The following TCIRG1 variants were observed in gnomAD, a reference collection of about 807,000 sequenced individuals.
The protein encoded by TCIRG1 is V-type proton ATPase 116 kDa subunit a 3.
Under a neutral mutation model 95.5 loss-of-function variants are expected in TCIRG1, and 86 were observed. The ratio of observed to expected loss-of-function variants is 0.90; its 90% CI spans 0.76 to 1.08. TCIRG1 has a LOEUF of 1.08. Among genes scored for constraint, TCIRG1 ranks in the 50% least tolerant of loss-of-function variants. TCIRG1 has a pLI of 0.00. For synonymous variants in TCIRG1, 499 were observed against 501.3 expected, an observed-to-expected ratio of 1.00 and a Z score of 0.06; for missense variants, 1,069 against 1,140.2, an observed-to-expected ratio of 0.94 and a Z score of 0.90.
intron 15 of TCIRG1, 142 bp downstream of exon 15, chr11:68,049,436 T>C: frequency 9.8e-7 from 1 of 1,023,378 alleles, no homozygotes; most frequent in Non-Finnish European, 1.4e-6. Flanking sequence ...TCAGAGGTGA[T>C]GGTGTGCATC....
Position 68,042,643 on chromosome 11 carries a change from C to T in TCIRG1, c.197C>T (p.Thr66Ile), listed in dbSNP as rs886048593. 2 of 1,547,248 alleles carry T rather than the reference C, an allele frequency of 1.3e-6. No homozygotes were observed. Among genetic ancestry groups the T allele is most frequent in the East Asian group, 2.4e-5 (1 of 40,918 alleles). ...CCCACTCCCGTTCCTCTGCGCCCAG[C>T]CTTCCTGCAGGAGGAGGTGCGGCGG... The part of the protein sequence containing the change: ...RRCEELEKTF[T>I]FLQEEVRRAG... The change falls in exon 4 of 20, where the codon ACC (threonine) becomes ATC (isoleucine). Residue 66 changes from threonine (T) to isoleucine (I), a missense_variant and splice_region_variant. Thr to Ile is a moderately conservative substitution (Grantham distance 89). Transcript: ENST00000265686.
At position 68,047,712 on chromosome 11, in the gene TCIRG1, C is replaced by T. The variant is rs376526455; in HGVS notation, c.1371C>T (p.Thr457=). ...TTATGGGCCTGTTCTCCATCTACACCGGCTTCATCTACAACGAGTGCTTCA... is the reference window on the plus strand; with the variant it reads ...TTATGGGCCTGTTCTCCATCTACACTGGCTTCATCTACAACGAGTGCTTCA... ...LLLMGLFSIY[T]GFIYNECFSR... is the part of the protein sequence containing the mutation. The change falls in exon 12 of 20, where the codon ACC becomes ACT. Residue 457 remains threonine (T), a synonymous_variant. Coordinates refer to ENST00000265686, the MANE Select transcript of TCIRG1 (RefSeq NM_006019.4). 1.9e-5 allele frequency: 31 copies of T among 1,613,364 alleles called. No individual in the cohort carries two copies. Among genetic ancestry groups the T allele is most frequent in the Middle Eastern group, 1.6e-4 (1 of 6,084 alleles).
At position 68,042,881 on chromosome 11, in the gene TCIRG1, C is replaced by T. The variant is rs1252352757; in HGVS notation, c.417+18C>T. The T allele has an allele frequency of 1.3e-6, 2 of 1,550,106 alleles. No homozygotes were observed. The highest frequency in any genetic ancestry group is 2.4e-5 in the South Asian group (2 of 84,076). On this transcript the variant is annotated intron_variant, in intron 4 of 19. Transcript: ENST00000265686. ...AACCTCAGGTCAGCTCCCACCCAGG[C>T]AGGAGACTGGGGGGCTGGGGAGGGG... is the stretch of plus-strand genomic sequence containing the variant.
At position 68,042,567 on chromosome 11, in the gene TCIRG1, G is replaced by GTTTGGGGCA. The variant is rs1190109941; in HGVS notation, c.197-75_197-67dup. The GTTTGGGGCA allele has an allele frequency of 9.6e-6, 12 of 1,248,624 alleles. No individual in the cohort carries two copies. In the African/African-American group the frequency reaches 1.5e-4, roughly 16 times the overall value. 77.3% of individuals were successfully genotyped at this position (1,248,624 alleles called of 1,614,324 possible). On this transcript the variant is annotated intron_variant, in intron 3 of 19. Transcript: ENST00000265686. ...AATCCAGCAGCTGGTGGCCGATGGA[G>GTTTGGGGCA]TTTGGGGCAGCAGGTGGGGCCCTCA...
Position 68,041,335 on chromosome 11 carries a change from G to A in TCIRG1, c.64G>A (p.Ala22Thr). Reference protein sequence around the residue: ...LVQLFLPTAAAYTCVSRLGEL... With the variant: ...LVQLFLPTAATYTCVSRLGEL... The stretch of plus-strand genomic sequence containing the variant: ...CCAGCTCTTTCTGCCCACAGCGGCT[G>A]CCTACACCTGCGTGAGTCGGCTGGG... The change falls in exon 2 of 20, where the codon GCC becomes ACC. Residue 22 changes from alanine to threonine, a missense_variant. Ala to Thr is a moderately conservative substitution (Grantham distance 58). Coordinates refer to ENST00000265686, the MANE Select transcript of TCIRG1 (RefSeq NM_006019.4). The A allele has an allele frequency of 6.2e-7, 1 of 1,613,252 alleles. No individual in the cohort carries two copies. The highest frequency in any genetic ancestry group is 8.5e-7 in the Non-Finnish European group (1 of 1,179,958).
Position 68,042,707 on chromosome 11 carries a change from G to C in TCIRG1, c.261G>C (p.Pro87=), listed in dbSNP as rs887998539. 9.7e-6 allele frequency: 15 copies of C among 1,545,882 alleles called. No individual in the cohort carries two copies. The highest frequency in any genetic ancestry group is 1.7e-6 in the Non-Finnish European group (2 of 1,145,732). The change falls in exon 4 of 20, where the codon CCG becomes CCC. Residue 87 remains proline, a synonymous_variant. Coordinates refer to ENST00000265686, the MANE Select transcript of TCIRG1 (RefSeq NM_006019.4). The part of the protein sequence containing the change: ...LVLPPPKGRL[P]APPPRDLLRI... ...TGCCCCCGCCAAAGGGGAGGCTGCC[G>C]GCACCCCCACCCCGGGACCTGCTGC...
intron 10 of TCIRG1, chr11:68,047,006 C>CTTT (rs5792432): frequency 0.18 from 55,355 of 314,646 alleles, 5,656 homozygotes; most frequent in African/African-American, 0.36. Context: ...GTGGTGGGTT[C>CTTT]TTTTTTTTTT....
At chr11:68,048,456 G>A (rs1855619944) in intron 13 of TCIRG1, 1 of 342,548 alleles carries the variant, frequency 2.9e-6, no homozygotes. Context: ...ACCATGCCTG[G>A]CTAATTTCTG....
At chr11:68,042,219 G>C (rs1213925255) in intron 3 of TCIRG1, among the ~76,000 whole-genome samples, 1 of 152,188 alleles carries the variant, frequency 6.6e-6, no homozygotes, top group Non-Finnish European at 1.5e-5. Context: ...CTAAGGAGCA[G>C]GCAAAAGGGA....
At chr11:68,039,997 T>C (rs190293447) in intron 1 of TCIRG1, 2 of 152,476 alleles carry the variant, frequency 1.3e-5, no homozygotes, top group African/African-American at 4.8e-5. Flanking sequence ...TCACCCTTTG[T>C]GCTGGGCACA....
Position 68,049,751 on chromosome 11 carries a change from A to G in TCIRG1, c.1976A>G (p.His659Arg), listed in dbSNP as rs1855698789. Reference sequence around the variant, plus strand: ...ACACCCCTGCACCTGCTGCACCGCCACCGCCGCCGCCTGCGGAGGAGGCCC... The same window carrying G: ...ACACCCCTGCACCTGCTGCACCGCCGCCGCCGCCGCCTGCGGAGGAGGCCC... ...LGTPLHLLHR[H>R]RRRLRRRPAD... Residue 659 changes from histidine to arginine, a missense_variant, in exon 16 of 20, where the codon CAC becomes CGC. By Grantham distance (29) the His-to-Arg change is conservative. Coordinates refer to ENST00000265686, the MANE Select transcript of TCIRG1 (RefSeq NM_006019.4). The G allele has an allele frequency of 1.3e-6, 2 of 1,577,822 alleles. No homozygotes were observed. The highest frequency in any genetic ancestry group is 1.3e-5 in the African/African-American group (1 of 74,662).
At chr11:68,043,689 T>C in intron 7 of TCIRG1, 36 bp downstream of exon 7, 1 of 1,569,742 alleles carries the variant, frequency 6.4e-7, no homozygotes, top group Non-Finnish European at 8.7e-7. Flanking sequence ...ACCGCCCTGC[T>C]CCCCAGGCCC....
Position 68,049,680 on chromosome 11 carries a change from G to A in TCIRG1, c.1905G>A (p.Thr635=), listed in dbSNP as rs764337411. Residue 635 remains threonine, a synonymous_variant, in exon 16 of 20, where the codon ACG becomes ACA. Transcript: ENST00000265686. The part of the protein sequence containing the change: ...LYPRQEVVQA[T]LVVLALAMVP... ...CCTGGCAGGAGGTGGTCCAGGCCAC[G>A]CTGGTGGTCCTGGCCTTGGCCATGG... 26 of 1,600,858 alleles carry A rather than the reference G, an allele frequency of 1.6e-5. No individual in the cohort carries two copies. In the Admixed American group the frequency reaches 2.7e-4, roughly 16 times the overall value.
intron 13 of TCIRG1, among the ~76,000 whole-genome samples, chr11:68,048,529 T>G (rs1350597217): frequency 6.6e-6 from 1 of 152,154 alleles, no homozygotes; most frequent in Non-Finnish European, 1.5e-5. Flanking sequence ...CCTGACCTCA[T>G]GTGATCCACC....
chr11:68,049,861 C>T lies in TCIRG1; in HGVS notation c.2013+73C>T, dbSNP rs1382210739. On this transcript the variant is annotated intron_variant, in intron 16 of 19. Coordinates refer to ENST00000265686, the MANE Select transcript of TCIRG1 (RefSeq NM_006019.4). ...ACTGTCCGGTGTGTCCCTGACTCCT[C>T]GCTTCCTGACAGACTCCTGAGTGGC... The T allele has an allele frequency of 7.7e-6, 12 of 1,553,796 alleles. No homozygotes were observed. The South Asian group carries it at 8.2e-5, about 11-fold the overall frequency.
chr11:68,050,820 G>A lies in TCIRG1; in HGVS notation c.*1G>A, dbSNP rs961827668. ...CACCTTCGCTGCCACAGATGACTAG[G>A]GCCCACTGCAGGTCCTGCCAGACCT... On this transcript the variant is annotated 3_prime_UTR_variant, in exon 20 of 20. Transcript: ENST00000265686. 6.2e-7 allele frequency: 1 copy of A among 1,612,974 alleles called. No individual in the cohort carries two copies. The highest frequency in any genetic ancestry group is 1.3e-5 in the African/African-American group (1 of 74,912).
chr11:68,041,256 G>T lies in TCIRG1; in HGVS notation c.-4-12G>T, dbSNP rs1298714157. The T allele has an allele frequency of 1.1e-5, 17 of 1,592,604 alleles. No individual in the cohort carries two copies. Among genetic ancestry groups the T allele is most frequent in the African/African-American group, 1.3e-5 (1 of 74,526 alleles). On this transcript the variant is annotated splice_polypyrimidine_tract_variant and intron_variant, in intron 1 of 19. Transcript: ENST00000265686. ...CTGCCCCTGACTGGCCCCCATCCGTGTCCACCCACAGGACCATGGGCTCCA... is the reference window on the plus strand; with the variant it reads ...CTGCCCCTGACTGGCCCCCATCCGTTTCCACCCACAGGACCATGGGCTCCA...
chr11:68,050,010 G>A lies in TCIRG1; in HGVS notation c.2062G>A (p.Gly688Ser). The part of the protein sequence containing the change: ...LLDLPDASVN[G>S]WSSDEEKAGG... ...GGACCTGCCTGACGCATCTGTGAATGGCTGGAGCTCCGATGAGGAAAAGGC... is the reference window on the plus strand; with the variant it reads ...GGACCTGCCTGACGCATCTGTGAATAGCTGGAGCTCCGATGAGGAAAAGGC... Residue 688 changes from glycine (G) to serine (S), a missense_variant, in exon 17 of 20, where the codon GGC (glycine) becomes AGC (serine). By Grantham distance (56) the Gly-to-Ser change is moderately conservative. Transcript: ENST00000265686. 1 of 1,613,260 alleles carries A rather than the reference G, an allele frequency of 6.2e-7. No individual in the cohort carries two copies. The highest frequency in any genetic ancestry group is 1.3e-5 in the African/African-American group (1 of 75,040).
rs138049763 is a variant in TCIRG1 at position 68,047,954 on chromosome 11, C to T, written c.1536C>T (p.Tyr512=). The change falls in exon 13 of 20, where the codon TAC becomes TAT. Residue 512 remains tyrosine, a synonymous_variant. Coordinates refer to ENST00000265686, the MANE Select transcript of TCIRG1 (RefSeq NM_006019.4). ...TCACCGGTGTCTTCCTGGGACCCTA[C>T]CCCTTTGGCATCGATCCTGTGAGTC... The part of the protein sequence containing the change: ...PNVTGVFLGP[Y]PFGIDPIWSL... 447 of 1,613,796 alleles carry T rather than the reference C, an allele frequency of 2.8e-4. No homozygotes were observed. In the African/African-American group the frequency reaches 2.8e-3, roughly 10 times the overall value.
Sources: allele counts gnomAD v4.1 joint callset (sites outside exome capture counted in the v4.1 genomes callset), GRCh38; gene constraint gnomAD v4.1.1; transcripts MANE v1.5; gene names NCBI Gene and HGNC (gene_info 2026-07-23, HGNC 2026-07-21).